The following TPST1 variants were observed in gnomAD, a reference collection of about 807,000 sequenced individuals.
TPST1 encodes the protein protein-tyrosine sulfotransferase 1.
Under a neutral mutation model 34.8 loss-of-function variants are expected in TPST1, and 20 were observed. The ratio of observed to expected loss-of-function variants is 0.57; its 90% CI spans 0.40 to 0.84. The LOEUF (loss-of-function observed/expected upper bound fraction) is 0.84, where lower values mean the gene tolerates loss of function less well. Among genes scored for constraint, TPST1 ranks in the 40% least tolerant of loss-of-function variants. The pLI, the probability that TPST1 is intolerant of heterozygous loss-of-function variation, is 0.00. For synonymous variants in TPST1, 152 were observed against 159.4 expected, an observed-to-expected ratio of 0.95 and a Z score of 0.35; for missense variants, 353 against 455.5, an observed-to-expected ratio of 0.78 and a Z score of 2.05.
chr7:66,268,926 G>A (rs1428476484), intron 2 of TPST1, among the ~76,000 whole-genome samples: 1 of 152,132 alleles, frequency 6.6e-6, no homozygotes, highest in Non-Finnish European at 1.5e-5. Context: ...CAGGTGATCC[G>A]CCTGCCTTGG....
chr7:66,234,033 T>A (rs910793610), intron 1 of TPST1, among the ~76,000 whole-genome samples: 1 of 152,198 alleles, frequency 6.6e-6, no homozygotes, highest in Admixed American at 6.5e-5. Context: ...AATTTTTGTA[T>A]TTTTAGTACA....
At chr7:66,239,364 T>G (rs1789979030) in intron 1 of TPST1, among the ~76,000 whole-genome samples, 1 of 152,210 alleles carries the variant, frequency 6.6e-6, no homozygotes, top group Non-Finnish European at 1.5e-5. Context: ...ATTGTCCCTT[T>G]GCGTATTTCC....
chr7:66,336,090 C>G (rs1305003233), intron 3 of TPST1, among the ~76,000 whole-genome samples: 1 of 152,180 alleles, frequency 6.6e-6, no homozygotes, highest in African/African-American at 2.4e-5. Flanking sequence ...GTGGGCAGAT[C>G]ACGAGGTCAG....
At chr7:66,219,395 G>C (rs1789493735) in intron 1 of TPST1, among the ~76,000 whole-genome samples, 1 of 152,116 alleles carries the variant, frequency 6.6e-6, no homozygotes, top group Admixed American at 6.5e-5. Context: ...TATTTGCCAG[G>C]CTACTTTCTA....
chr7:66,359,099 AT>A (rs1481272018), intron 5 of TPST1: 1 of 150,296 alleles, frequency 6.7e-6, no homozygotes, highest in Non-Finnish European at 1.5e-5. Flanking sequence ...GTGAGGAGGA[AT>A]CAGGGTGCTG....
chr7:66,209,910 C>T (rs1156533424), intron 1 of TPST1, among the ~76,000 whole-genome samples: 1 of 152,092 alleles, frequency 6.6e-6, no homozygotes, highest in African/African-American at 2.4e-5. Context: ...TTCAGGTAAC[C>T]CTCTGCCTTG....
chr7:66,331,036 G>C lies in TPST1; in HGVS notation c.1045-21469G>C, dbSNP rs535974018. The stretch of plus-strand genomic sequence containing the variant: ...TGTCAGCTGGGCTGCAGTCATCCAA[G>C]GCTCAGCTGGGAGAGGATCTGCCTT... On this transcript the variant is annotated intron_variant, in intron 3 of 5. Coordinates refer to ENST00000304842, the MANE Select transcript of TPST1 (RefSeq NM_003596.4). Among the ~76,000 whole-genome samples the C allele has an allele frequency of 5.6e-4, 85 of 152,296 alleles. 1 individual carries two copies. In the South Asian group the frequency reaches 0.012, roughly 22 times the overall value.
chr7:66,329,758 G>A (rs533316915), intron 3 of TPST1, among the ~76,000 whole-genome samples: 1 of 152,236 alleles, frequency 6.6e-6, no homozygotes, highest in Admixed American at 6.5e-5. Context: ...ATGAAATATT[G>A]CACAGCCATA....
intron 2 of TPST1, among the ~76,000 whole-genome samples, chr7:66,271,386 C>A (rs1790702073): frequency 6.6e-6 from 1 of 152,176 alleles, no homozygotes; most frequent in African/African-American, 2.4e-5. Flanking sequence ...ACCCTGTTAG[C>A]CAGGATCATC....
In TPST1 at chr7:66,267,192, C is replaced by T. The variant is rs528411719; in HGVS notation, c.846-19319C>T. Among the ~76,000 whole-genome samples the T allele has an allele frequency of 2.0e-5, 3 of 152,212 alleles. No individual in the cohort carries two copies. The South Asian group carries it at 6.2e-4, about 32-fold the overall frequency. On this transcript the variant is annotated intron_variant, in intron 2 of 5. Transcript: ENST00000304842. ...TAAGATATAAACATGTTAAACAATT[C>T]TCCTTTGAGACATAAACATAAAAAC...
At chr7:66,328,591 C>CT (rs1791919745) in intron 3 of TPST1, among the ~76,000 whole-genome samples, 1 of 151,948 alleles carries the variant, frequency 6.6e-6, no homozygotes, top group South Asian at 2.1e-4. Context: ...GTCGCCCAGG[C>CT]TGGAGTGCAG....
rs371919933 is a variant in TPST1, at chr7:66,241,198, A to G, written c.773A>G (p.Gln258Arg). ...ATGAGAACACTCTTAAAGTTCCTCCAGATTCCATGGAACCACTCAGTATTG... is the reference window on the plus strand; with the variant it reads ...ATGAGAACACTCTTAAAGTTCCTCCGGATTCCATGGAACCACTCAGTATTG... Reference protein sequence around the residue: ...RWMRTLLKFLQIPWNHSVLHH... With the variant: ...RWMRTLLKFLRIPWNHSVLHH... Residue 258 changes from glutamine to arginine, a missense_variant, in exon 2 of 6, where the codon CAG becomes CGG. By Grantham distance (43) the Gln-to-Arg change is conservative. Transcript: ENST00000304842. 5.6e-6 allele frequency: 9 copies of G among 1,614,244 alleles called. No individual in the cohort carries two copies.
intron 1 of TPST1, 139 bp from the exon 2 acceptor site, chr7:66,240,186 C>T (rs915148295): frequency 6.0e-6 from 3 of 500,698 alleles, no homozygotes; most frequent in African/African-American, 5.9e-5. Flanking sequence ...CGCGCCCGGT[C>T]TCAATTTTGT....
intron 3 of TPST1, among the ~76,000 whole-genome samples, chr7:66,328,886 C>CTCTCTCTCTATATA (rs757168858): frequency 1.4e-4 from 3 of 22,094 alleles, no homozygotes; most frequent in Admixed American, 8.7e-4. Context: ...CTCTCTCTCT[C>CTCTCTCTCTATATA]TATATATATA....
chr7:66,263,374 TTC>T (rs561159240), intron 2 of TPST1, among the ~76,000 whole-genome samples: 1 of 152,170 alleles, frequency 6.6e-6, no homozygotes, highest in Non-Finnish European at 1.5e-5. Context: ...AGTTAGTACA[TTC>T]TGTTTTCTGC....
chr7:66,230,119 C>G (rs572892070), intron 1 of TPST1, among the ~76,000 whole-genome samples: 1 of 152,078 alleles, frequency 6.6e-6, no homozygotes, highest in African/African-American at 2.4e-5. Context: ...ACCTGGGAGG[C>G]GAAAGTTGCA....
Position 66,330,477 on chromosome 7 carries a change from C to G in TPST1, c.1045-22028C>G, listed in dbSNP as rs184098675. On this transcript the variant is annotated intron_variant, in intron 3 of 5. Transcript: ENST00000304842. Reference sequence around the variant, plus strand: ...TCCTCTTACATCTTATTGTAAACACCAAGAAGAAACCTGGCAGTTAACTTT... The same window carrying G: ...TCCTCTTACATCTTATTGTAAACACGAAGAAGAAACCTGGCAGTTAACTTT... Among the ~76,000 whole-genome samples, 21 of 152,266 alleles carry G rather than the reference C, an allele frequency of 1.4e-4. No homozygotes were observed. The East Asian group carries it at 3.5e-3, about 25-fold the overall frequency.
At chr7:66,215,270 G>T (rs891990160) in intron 1 of TPST1, among the ~76,000 whole-genome samples, 4 of 149,976 alleles carry the variant, frequency 2.7e-5, no homozygotes, top group Non-Finnish European at 4.4e-5. Context: ...GGCCAGGATG[G>T]TCTCCATCTC....
chr7:66,304,870 T>C (rs1791390630), intron 3 of TPST1, among the ~76,000 whole-genome samples: 1 of 151,998 alleles, frequency 6.6e-6, no homozygotes, highest in African/African-American at 2.4e-5. Context: ...CAGGCTGCAG[T>C]GCAGTGGCGC....
Sources: allele counts gnomAD v4.1 joint callset (sites outside exome capture counted in the v4.1 genomes callset), GRCh38; gene constraint gnomAD v4.1.1; transcripts MANE v1.5; gene names NCBI Gene and HGNC (gene_info 2026-07-23, HGNC 2026-07-21).